STXBP4: variants seen among roughly 807,000 people sequenced by gnomAD.
STXBP4 encodes the protein syntaxin-binding protein 4.
A neutral mutation model predicts 76.1 loss-of-function variants in STXBP4; 55 were observed. The ratio of observed to expected loss-of-function variants is 0.72; its 90% CI spans 0.58 to 0.91. The LOEUF is 0.91. Ranked by LOEUF, STXBP4 falls within the 40% of genes least tolerant of loss-of-function variation. The pLI is 0.00. For missense variants in STXBP4, 618 were observed against 636.9 expected (o/e 0.97, Z 0.32); for synonymous variants, 201 against 220.2 (o/e 0.91, Z 0.77).
At chr17:55,019,053 T>G (rs989482071) in intron 8 of STXBP4, among the ~76,000 whole-genome samples, 1 of 152,248 alleles carries the variant, frequency 6.6e-6, no homozygotes. Flanking sequence ...TTGGATTAGT[T>G]AATTGTTTTC....
rs771237626 is a variant in STXBP4 at position 55,078,129 on chromosome 17, C to T, written c.1240C>T (p.Arg414Ter). 22 of 1,612,068 alleles carry T rather than the reference C, an allele frequency of 1.4e-5. No homozygotes were observed. The highest frequency in any genetic ancestry group is 1.6e-4 in the Middle Eastern group (1 of 6,070). ...AATCATGGTACTCGACTGCCAATTA[C>T]GAAAATCAGAAATGGCTCGAAAAAC... The part of the protein sequence containing the change: ...KRIMVLDCQL[R>*]KSEMARKTFE... Residue 414 changes from arginine (R) to a stop codon, truncating the protein, a stop_gained, in exon 14 of 18, where the codon CGA becomes TGA. Coordinates refer to ENST00000376352, the MANE Select transcript of STXBP4 (RefSeq NM_178509.6). LOFTEE classifies it high-confidence loss of function.
intron 4 of STXBP4, among the ~76,000 whole-genome samples, chr17:54,999,137 A>G (rs988398861): frequency 6.6e-6 from 1 of 152,132 alleles, no homozygotes; most frequent in Non-Finnish European, 1.5e-5. Context: ...TATTCATGCA[A>G]TACATGAACC....
chr17:55,038,058 G>A (rs2628309), intron 10 of STXBP4, among the ~76,000 whole-genome samples: 120,105 of 152,104 alleles, frequency 0.79, 48,064 homozygotes, highest in African/African-American at 0.91. Context: ...CCTGTCAACC[G>A]TCTCAGTTTC....
intron 12 of STXBP4, among the ~76,000 whole-genome samples, chr17:55,072,547 C>G (rs575106990): frequency 2.0e-5 from 3 of 152,240 alleles, no homozygotes; most frequent in Admixed American, 2.0e-4. Flanking sequence ...GAACATGAGT[C>G]CTACTACCTA....
intron 16 of STXBP4, among the ~76,000 whole-genome samples, chr17:55,084,519 C>G (rs1287054813): frequency 6.6e-6 from 1 of 150,824 alleles, no homozygotes; most frequent in Non-Finnish European, 1.5e-5. Flanking sequence ...GCTTTTGTTG[C>G]CATTGCTTTT....
Position 55,074,097 on chromosome 17 carries a change from G to T in STXBP4, c.1188+1021G>T, listed in dbSNP as rs554482485. Among the ~76,000 whole-genome samples, 6 of 152,052 alleles carry T rather than the reference G, an allele frequency of 3.9e-5. No homozygotes were observed. The South Asian group carries it at 1.3e-3, about 32-fold the overall frequency. On this transcript the variant is annotated intron_variant, in intron 13 of 17. Coordinates refer to ENST00000376352, the MANE Select transcript of STXBP4 (RefSeq NM_178509.6). ...ATTTGTTCACTTACAAACATAACTG[G>T]TTATGTATATCTCTAATCCAATCAG...
chr17:55,118,277 A>T (rs2079805638), intron 16 of STXBP4, among the ~76,000 whole-genome samples: 1 of 151,940 alleles, frequency 6.6e-6, no homozygotes, highest in Non-Finnish European at 1.5e-5. Context: ...CTGTCTTCAT[A>T]GTAAGATTTA....
chr17:55,156,847 T>C (rs1290958539), intron 17 of STXBP4, among the ~76,000 whole-genome samples: 2 of 152,136 alleles, frequency 1.3e-5, no homozygotes, highest in Non-Finnish European at 2.9e-5. Context: ...TCAGATGTGA[T>C]TTGTTGATTA....
At chr17:55,106,600 G>A (rs563034119) in intron 16 of STXBP4, among the ~76,000 whole-genome samples, 87 of 152,214 alleles carry the variant, frequency 5.7e-4, no homozygotes, top group South Asian at 1.0e-3. Flanking sequence ...GGCTGGTACC[G>A]ATTTTTCTTT....
chr17:55,139,661 A>C (rs917508675), intron 16 of STXBP4, among the ~76,000 whole-genome samples: 1 of 152,146 alleles, frequency 6.6e-6, no homozygotes, highest in Non-Finnish European at 1.5e-5. Context: ...ATGTGCTTGC[A>C]GTGAACACTA....
At chr17:55,179,703 A>T in the STXBP4 span, among the ~76,000 whole-genome samples, 2 of 152,148 alleles carry the variant, frequency 1.3e-5, no homozygotes, top group African/African-American at 4.8e-5. Context: ...ACTTCCACTT[A>T]ATGAGTAGTA....
chr17:54,969,563 TA>T (rs1188563558), intron 1 of STXBP4, among the ~76,000 whole-genome samples: 1 of 152,198 alleles, frequency 6.6e-6, no homozygotes. Context: ...ATCAGAACAG[TA>T]AATGAATAAT....
At chr17:55,022,641 C>T (rs980020604) in intron 8 of STXBP4, among the ~76,000 whole-genome samples, 4 of 152,036 alleles carry the variant, frequency 2.6e-5, no homozygotes, top group Admixed American at 6.6e-5. Flanking sequence ...TTGATAGTCA[C>T]GGAAGAGCTG....
Position 55,078,742 on chromosome 17 carries a change from A to C in STXBP4, c.1355+7A>C. Reference sequence around the variant, plus strand: ...CTCCTTTATCAAATTTAAGGTAAGAAAATTTAAGTGCTTTTTGCAGAATAT... The same window carrying C: ...CTCCTTTATCAAATTTAAGGTAAGACAATTTAAGTGCTTTTTGCAGAATAT... On this transcript the variant is annotated splice_region_variant and intron_variant, in intron 15 of 17. Coordinates refer to ENST00000376352, the MANE Select transcript of STXBP4 (RefSeq NM_178509.6). The C allele has an allele frequency of 6.8e-7, 1 of 1,476,234 alleles. No homozygotes were observed. Among genetic ancestry groups the C allele is most frequent in the South Asian group, 1.2e-5 (1 of 86,684 alleles). The allele number at this position is 1,476,234 out of a possible 1,614,324, so 91.4% of individuals were successfully genotyped here. A position where few individuals can be genotyped will look rare whatever the true frequency, so the allele number is the denominator to read the frequency against.
intron 13 of STXBP4, among the ~76,000 whole-genome samples, chr17:55,076,566 A>G (rs747179646): frequency 6.6e-6 from 1 of 152,226 alleles, no homozygotes; most frequent in South Asian, 2.1e-4. Flanking sequence ...GTTTCCTTCT[A>G]TATGATTTTA....
chr17:55,205,998 T>C, the STXBP4 span, among the ~76,000 whole-genome samples: 5 of 152,100 alleles, frequency 3.3e-5, no homozygotes, highest in African/African-American at 7.2e-5. Context: ...TTCGTGAATA[T>C]ATTAAATAGT....
intron 9 of STXBP4, among the ~76,000 whole-genome samples, chr17:55,032,529 G>A (rs189232636): frequency 6.6e-6 from 1 of 152,246 alleles, no homozygotes; most frequent in African/African-American, 2.4e-5. Flanking sequence ...TACTTCTGGA[G>A]ACTGAGTTTT....
chr17:55,045,672 C>T (rs1214276182), intron 11 of STXBP4, among the ~76,000 whole-genome samples: 2 of 152,030 alleles, frequency 1.3e-5, no homozygotes, highest in Non-Finnish European at 2.9e-5. Flanking sequence ...CCTGATATGA[C>T]AAAACCTAAA....
At chr17:55,006,437 C>A (rs575298492) in intron 7 of STXBP4, among the ~76,000 whole-genome samples, 1 of 152,028 alleles carries the variant, frequency 6.6e-6, no homozygotes, top group African/African-American at 2.4e-5. Flanking sequence ...CTATGTAGAA[C>A]TAGTAAAATA....
Sources: gnomAD v4.1 joint callset for allele counts (sites outside exome capture counted in the v4.1 genomes callset) on GRCh38, gnomAD v4.1.1 for gene constraint, MANE v1.5 for transcripts, NCBI Gene and HGNC (gene_info 2026-07-23, HGNC 2026-07-21) for gene names.